Variants in UNC13A observed in about 807,000 individuals in gnomAD.
The protein encoded by UNC13A is protein unc-13 homolog A.
A neutral mutation model predicts 219.7 loss-of-function variants in UNC13A; 61 were observed. The observed-to-expected ratio is 0.28, with a 90% confidence interval of 0.23 to 0.34. UNC13A has a LOEUF of 0.34. Ranked by LOEUF, UNC13A falls within the 10% of genes least tolerant of loss-of-function variation. The pLI is 1.00. For missense variants in UNC13A, 1,476 were observed against 2,270.3 expected (o/e 0.65, Z 7.11); for synonymous variants, 920 against 884.6 (o/e 1.04, Z -0.71).
intron 31 of UNC13A, 137 bp from the exon 32 acceptor site, chr19:17,628,077 A>G: frequency 1.3e-6 from 1 of 747,744 alleles, no homozygotes; most frequent in Non-Finnish European, 2.2e-6. Flanking sequence ...TCACCTGCAA[A>G]TGGAAGGGAG....
intron 7 of UNC13A, among the ~76,000 whole-genome samples, chr19:17,666,064 T>C (rs1244985266): frequency 2.7e-5 from 4 of 150,530 alleles, no homozygotes; most frequent in African/African-American, 7.3e-5. Flanking sequence ...AACTCTTCTC[T>C]TTCCTTTCCT....
chr19:17,643,398 C>T lies in UNC13A; in HGVS notation c.2357-438G>A, dbSNP rs140639400. ...GCGGTGGCGCAATCTTGGCTCACTG[C>T]AATCTCCACCTCCTGAGTTCAAGCA... On this transcript the variant is annotated intron_variant, in intron 19 of 43. Transcript: ENST00000519716. Among the ~76,000 whole-genome samples the T allele has an allele frequency of 4.9e-3, 751 of 152,182 alleles. 11 individuals carry two copies. The highest frequency in any genetic ancestry group is 0.018 in the African/African-American group (736 of 41,512).
rs372812082 is a variant in UNC13A, at chr19:17,656,303, T to C, written c.863A>G (p.Gln288Arg). 20 of 1,553,882 alleles carry C rather than the reference T, an allele frequency of 1.3e-5. No individual in the cohort carries two copies. Among genetic ancestry groups the C allele is most frequent in the Non-Finnish European group, 1.7e-5 (19 of 1,148,576 alleles). The change falls in exon 10 of 44, where the codon CAG becomes CGG. Residue 288 changes from glutamine (Q) to arginine (R), a missense_variant. This residue lies in a region of UNC13A where 351 missense variants were observed against 342.6 expected (regional missense o/e 1.02). Coordinates refer to ENST00000519716, the MANE Select transcript of UNC13A (RefSeq NM_001080421.3). Reference protein sequence around the residue: ...EDFDPDEHSLQGSDMEDERDR... With the variant: ...EDFDPDEHSLRGSDMEDERDR... ...CCGCTCATCCTCCATGTCGGAGCCC[T>C]GCAGGCTGTGCTCGTCAGGGTCGAA...
chr19:17,643,000 C>T (rs1416481494), intron 19 of UNC13A, 40 bp from the exon 20 acceptor site: 10 of 1,530,634 alleles, frequency 6.5e-6, no homozygotes, highest in South Asian at 5.0e-5. Context: ...GAACTTCCCA[C>T]TATAGCAGTG....
chr19:17,641,256 G>T, intron 21 of UNC13A, 137 bp downstream of exon 21: 1 of 1,071,786 alleles, frequency 9.3e-7, no homozygotes, highest in Non-Finnish European at 1.3e-6. Flanking sequence ...TGATCTCCAG[G>T]GGAATTACGG....
chr19:17,623,498 CAG>C lies in UNC13A; in HGVS notation c.4203+42_4203+43del, dbSNP rs745745431. On this transcript the variant is annotated intron_variant, in intron 36 of 43. Coordinates refer to ENST00000519716, the MANE Select transcript of UNC13A (RefSeq NM_001080421.3). ...CGACGCGGTGGGCCGAGTCCAGACACAGAGAGGACGGACAGACAGACGGACAG... is the reference window on the plus strand; with the variant it reads ...CGACGCGGTGGGCCGAGTCCAGACACAGAGGACGGACAGACAGACGGACAG... 9.2e-6 allele frequency: 14 copies of C among 1,515,756 alleles called. No individual in the cohort carries two copies. In the African/African-American group the frequency reaches 1.3e-4, roughly 14 times the overall value. 93.9% of individuals were successfully genotyped at this position (1,515,756 alleles called of 1,614,324 possible).
At chr19:17,617,593 C>T (rs1244050748) in intron 41 of UNC13A, 109 bp downstream of exon 41, 5 of 1,475,310 alleles carry the variant, frequency 3.4e-6, no homozygotes, top group Non-Finnish European at 2.8e-6. Flanking sequence ...ATGTCAATTC[C>T]GCCCCATCCA....
intron 40 of UNC13A, 76 bp from the exon 41 acceptor site, chr19:17,617,925 TC>T: frequency 6.4e-7 from 1 of 1,557,128 alleles, no homozygotes; most frequent in Non-Finnish European, 8.7e-7. Context: ...AGCCCTGCTG[TC>T]CCCACTCCCA....
At chr19:17,635,744 A>C (rs907102407) in intron 26 of UNC13A, among the ~76,000 whole-genome samples, 22 of 152,194 alleles carry the variant, frequency 1.4e-4, no homozygotes, top group African/African-American at 5.3e-4. Flanking sequence ...CATACACATA[A>C]AAAATTATAC....
In UNC13A at chr19:17,627,308, AAAAT is replaced by A. The variant is rs2076793791; in HGVS notation, c.3920+197_3920+200del. 6.6e-6 allele frequency among the ~76,000 whole-genome samples: 1 copy of A among 152,202 alleles called. No homozygotes were observed. Among genetic ancestry groups the A allele is most frequent in the African/African-American group, 2.4e-5 (1 of 41,440 alleles). The stretch of plus-strand genomic sequence containing the variant: ...CCAAATTTACAGAGCAATAAAAAAA[AAAAT>A]AAGGCTCAGAGAAGTTAAGTGACTC... On this transcript the variant is annotated intron_variant, in intron 33 of 43. Transcript: ENST00000519716. This position sits in a 1 kb window ranked among gnomAD's most constrained non-coding sequence, Gnocchi z 4.7.
chr19:17,646,703 A>G (rs2077030796), intron 17 of UNC13A, among the ~76,000 whole-genome samples: 1 of 151,554 alleles, frequency 6.6e-6, no homozygotes, highest in African/African-American at 2.4e-5. Flanking sequence ...TCCCTGACTT[A>G]CCACCCCAGC....
Position 17,627,207 on chromosome 19 carries a change from CA to C in UNC13A, c.3920+301del, listed in dbSNP as rs1482631486. Among the ~76,000 whole-genome samples, 29 of 151,880 alleles carry C rather than the reference CA, an allele frequency of 1.9e-4. No homozygotes were observed. The highest frequency in any genetic ancestry group is 9.9e-4 in the Admixed American group (15 of 15,220). On this transcript the variant is annotated intron_variant, in intron 33 of 43. Transcript: ENST00000519716. This position sits in a 1 kb window ranked among gnomAD's most constrained non-coding sequence, Gnocchi z 4.7. ...GGAAAATAGTAACTGCAGAACCAGG[CA>C]AAGGGATAAGACATTTGCCCGCATT...
intron 8 of UNC13A, among the ~76,000 whole-genome samples, chr19:17,658,979 TA>T (rs887542816): frequency 1.5e-4 from 22 of 147,238 alleles, no homozygotes; most frequent in East Asian, 3.9e-4. Flanking sequence ...TTCTAAATCC[TA>T]AAAAAAAAAA....
At chr19:17,663,750 A>T (rs2079593545) in intron 7 of UNC13A, among the ~76,000 whole-genome samples, 183 bp from the exon 8 acceptor site, 1 of 148,936 alleles carries the variant, frequency 6.7e-6, no homozygotes, top group Admixed American at 6.7e-5. Context: ...TCTGCTCTCC[A>T]CCTTGGGAGG....
chr19:17,664,814 C>G (rs369232060), intron 7 of UNC13A, among the ~76,000 whole-genome samples: 1 of 152,118 alleles, frequency 6.6e-6, no homozygotes, highest in East Asian at 1.9e-4. Context: ...CCTCCTCAAC[C>G]CCGGTTCCAT....
At chr19:17,633,032 C>T in intron 27 of UNC13A, 76 bp downstream of exon 27, 1 of 1,606,690 alleles carries the variant, frequency 6.2e-7, no homozygotes, top group Non-Finnish European at 8.5e-7. Context: ...ATAGGGTGCT[C>T]ACAGCCTTGG....
intron 12 of UNC13A, among the ~76,000 whole-genome samples, chr19:17,650,378 G>T (rs747575894): frequency 6.6e-4 from 101 of 152,056 alleles, no homozygotes; most frequent in African/African-American, 2.2e-3. Context: ...GCCAGGCATG[G>T]TAGTGCATGC....
chr19:17,625,321 T>A (rs2076771268), intron 34 of UNC13A, among the ~76,000 whole-genome samples: 2 of 152,116 alleles, frequency 1.3e-5, no homozygotes, highest in South Asian at 4.2e-4. Context: ...TCAGGGACTA[T>A]GAGGGAGAAG....
At chr19:17,636,614 C>G (rs553849917) in intron 25 of UNC13A, among the ~76,000 whole-genome samples, 3 of 152,236 alleles carry the variant, frequency 2.0e-5, no homozygotes, top group African/African-American at 7.2e-5. Context: ...ACCTAATCAA[C>G]TTGTCCAAGA....
Sources: allele counts gnomAD v4.1 joint callset (sites outside exome capture counted in the v4.1 genomes callset), GRCh38; gene constraint gnomAD v4.1.1; regional missense constraint gnomAD v4.1.1; non-coding constraint Gnocchi (gnomAD v3.1); transcripts MANE v1.5; gene names NCBI Gene and HGNC (gene_info 2026-07-23, HGNC 2026-07-21).